The following TJP1 variants were observed in gnomAD, a reference collection of about 807,000 sequenced individuals.
The protein encoded by TJP1 is tight junction protein 1.
A neutral mutation model predicts 194.2 loss-of-function variants in TJP1; 43 were observed. The ratio of observed to expected loss-of-function variants is 0.22; its 90% CI spans 0.17 to 0.29. The LOEUF (loss-of-function observed/expected upper bound fraction) is 0.29. Ranked by LOEUF, TJP1 falls within the 10% of genes least tolerant of loss-of-function variation. The pLI, the probability that TJP1 is intolerant of heterozygous loss-of-function variation, is 1.00. For synonymous variants in TJP1, 801 were observed against 779.0 expected, an observed-to-expected ratio of 1.03 and a Z score of -0.47; for missense variants, 1,971 against 2,185.7, an observed-to-expected ratio of 0.90 and a Z score of 1.96.
intron 2 of TJP1, among the ~76,000 whole-genome samples, chr15:29,828,413 A>G (rs1226311127): frequency 6.6e-6 from 1 of 152,144 alleles, no homozygotes; most frequent in Admixed American, 6.6e-5. Flanking sequence ...AAATATATAT[A>G]TATCTTTTTG....
At chr15:29,703,005 T>A (rs2041650808) in intron 27 of TJP1, among the ~76,000 whole-genome samples, 1 of 152,174 alleles carries the variant, frequency 6.6e-6, no homozygotes, top group Non-Finnish European at 1.5e-5. Flanking sequence ...GAAAATGCAG[T>A]GGAAGCTTTG....
intron 2 of TJP1, among the ~76,000 whole-genome samples, chr15:29,840,477 A>G (rs537092616): frequency 1.3e-5 from 2 of 152,190 alleles, no homozygotes. Flanking sequence ...CGAAGGGGCG[A>G]TAAGAAAGGG....
rs766804169 is a variant in TJP1, at chr15:29,718,848, C to A, written c.3294G>T (p.Gln1098His). The change falls in exon 21 of 28, where the codon CAG becomes CAT. Residue 1098 changes from glutamine to histidine, a missense_variant. Physicochemically the swap from Gln to His is conservative, Grantham distance 24 (BLOSUM62 0). This residue lies in a region of TJP1 where 1,108 missense variants were observed against 1,128.5 expected (regional missense o/e 0.98). Coordinates refer to ENST00000614355, the MANE Select transcript of TJP1 (RefSeq NM_001330239.4). ...CAAAAGGTGGCCGAGATGGGTAGGGCTGTTTGTCATCATAATATGACCACT... is the reference window on the plus strand; with the variant it reads ...CAAAAGGTGGCCGAGATGGGTAGGGATGTTTGTCATCATAATATGACCACT... ...EEQWSYYDDKQPYPSRPPFDN... is the reference protein window; with the variant it reads ...EEQWSYYDDKHPYPSRPPFDN... The A allele has an allele frequency of 1.9e-6, 3 of 1,614,136 alleles. No individual in the cohort carries two copies. Among genetic ancestry groups the A allele is most frequent in the Non-Finnish European group, 2.5e-6 (3 of 1,180,026 alleles).
At chr15:29,812,184 G>C in intron 1 of TJP1, among the ~76,000 whole-genome samples, 1 of 152,272 alleles carries the variant, frequency 6.6e-6, no homozygotes, top group South Asian at 2.1e-4. Flanking sequence ...AGAGTTGCTC[G>C]GTGATAATCT....
At chr15:29,918,581 CA>C (rs1233701134) in intron 2 of TJP1, among the ~76,000 whole-genome samples, 5 of 151,926 alleles carry the variant, frequency 3.3e-5, no homozygotes, top group African/African-American at 9.6e-5. Flanking sequence ...CAAAAAATTA[CA>C]AAAAAATTAG....
chr15:29,833,580 G>A (rs2050903792), intron 2 of TJP1, among the ~76,000 whole-genome samples: 1 of 151,610 alleles, frequency 6.6e-6, no homozygotes, highest in Non-Finnish European at 1.5e-5. Flanking sequence ...TTTTAGTAGA[G>A]ATGGGATTTG....
At chr15:29,782,017 G>C (rs2047397288) in intron 2 of TJP1, among the ~76,000 whole-genome samples, 1 of 152,186 alleles carries the variant, frequency 6.6e-6, no homozygotes, top group Non-Finnish European at 1.5e-5. Flanking sequence ...AATAGGAAGA[G>C]AGAAAGTTAA....
intron 2 of TJP1, among the ~76,000 whole-genome samples, chr15:29,943,726 A>G (rs1251426893): frequency 6.7e-6 from 1 of 148,740 alleles, no homozygotes; most frequent in African/African-American, 2.5e-5. Flanking sequence ...AGGTGGGCAG[A>G]TCATCTGAGG....
intron 2 of TJP1, among the ~76,000 whole-genome samples, chr15:29,907,987 A>G (rs778749883): frequency 1.4e-5 from 2 of 146,004 alleles, no homozygotes; most frequent in Non-Finnish European, 3.0e-5. Context: ...AAATATGGAC[A>G]GAGAGGGGAA....
At chr15:29,892,678 A>C (rs1263134883) in intron 2 of TJP1, among the ~76,000 whole-genome samples, 1 of 152,192 alleles carries the variant, frequency 6.6e-6, no homozygotes, top group Non-Finnish European at 1.5e-5. Context: ...AAGGAACAAC[A>C]AAGTCGGGAT....
At chr15:29,724,532 T>C (rs772804571) in intron 18 of TJP1, among the ~76,000 whole-genome samples, 12 of 152,308 alleles carry the variant, frequency 7.9e-5, no homozygotes, top group Middle Eastern at 3.4e-3. Flanking sequence ...GCAAGAACGA[T>C]GGGTTGCTTT....
chr15:29,826,575 G>A (rs147300522), upstream of TJP1, among the ~76,000 whole-genome samples: 31 of 151,834 alleles, frequency 2.0e-4, no homozygotes, highest in African/African-American at 7.3e-4. Flanking sequence ...CTGGGCATCC[G>A]CTTTTCCTCT....
intron 25 of TJP1, among the ~76,000 whole-genome samples, chr15:29,707,107 G>A (rs45456896): frequency 6.6e-6 from 1 of 152,142 alleles, no homozygotes; most frequent in African/African-American, 2.4e-5. Context: ...GGCTGTAGGA[G>A]GCAAGGCTTC....
intron 20 of TJP1, 109 bp from the exon 21 acceptor site, chr15:29,719,247 G>T: frequency 8.0e-7 from 1 of 1,254,262 alleles, no homozygotes; most frequent in Non-Finnish European, 1.1e-6. Flanking sequence ...AAAATGGTAT[G>T]TTTTACCATT....
rs1268935380 is a variant in TJP1, at chr15:29,766,280, G to A, written c.575C>T (p.Ser192Phe). 2 of 1,608,950 alleles carry A rather than the reference G, an allele frequency of 1.2e-6. No homozygotes were observed. Among genetic ancestry groups the A allele is most frequent in the South Asian group, 2.2e-5 (2 of 89,460 alleles). Residue 192 changes from serine (S) to phenylalanine (F), a missense_variant, in exon 5 of 28, where the codon TCC becomes TTC. Coordinates refer to ENST00000614355, the MANE Select transcript of TJP1 (RefSeq NM_001330239.4). Reference protein sequence around the residue: ...AKPTKVTLVKSRKNEEYGLRL... With the variant: ...AKPTKVTLVKFRKNEEYGLRL... ...GCAGAGAATACCTTCATTTTTCCGG[G>A]ATTTCACCAGTGTGACTTTAGTAGG...
intron 2 of TJP1, among the ~76,000 whole-genome samples, chr15:29,841,776 TA>T (rs1438459816): frequency 2.0e-5 from 3 of 151,510 alleles, no homozygotes; most frequent in Non-Finnish European, 2.9e-5. Context: ...ACATTTATCA[TA>T]AAAAATACAA....
intron 1 of TJP1, among the ~76,000 whole-genome samples, chr15:29,810,047 T>C (rs984642251): frequency 6.6e-6 from 1 of 152,168 alleles, no homozygotes. Context: ...CCATCCAAAA[T>C]CCAAAAATCT....
intron 8 of TJP1, among the ~76,000 whole-genome samples, chr15:29,749,127 A>T (rs993365017): frequency 6.6e-6 from 1 of 151,630 alleles, no homozygotes; most frequent in African/African-American, 2.4e-5. Context: ...TTTCCCCAGA[A>T]GGGTAAGACG....
intron 25 of TJP1, 65 bp from the exon 26 acceptor site, chr15:29,705,810 C>A: frequency 7.2e-7 from 1 of 1,388,416 alleles, no homozygotes; most frequent in Non-Finnish European, 1.0e-6. Context: ...GCTTTTACTA[C>A]TACTGTATTA....
Sources: allele counts gnomAD v4.1 joint callset (sites outside exome capture counted in the v4.1 genomes callset), GRCh38; gene constraint gnomAD v4.1.1; regional missense constraint gnomAD v4.1.1; transcripts MANE v1.5; gene names NCBI Gene and HGNC (gene_info 2026-07-23, HGNC 2026-07-21).